The following ALK variants were observed in gnomAD, a reference collection of about 807,000 sequenced individuals.
ALK encodes the protein ALK receptor tyrosine kinase.
ALK carries 74 observed loss-of-function variants against 163.1 expected under a neutral mutation model. The observed-to-expected ratio is 0.45, with a 90% confidence interval of 0.38 to 0.55. ALK has a LOEUF of 0.55. Among genes scored for constraint, ALK ranks in the 20% least tolerant of loss-of-function variants. The pLI is 0.00. For synonymous variants in ALK, 960 were observed against 843.2 expected (o/e 1.14, Z -2.40); for missense variants, 2,063 against 2,105.3 (o/e 0.98, Z 0.39).
intron 3 of ALK, among the ~76,000 whole-genome samples, chr2:29,680,634 T>G (rs1220037244): frequency 1.3e-5 from 2 of 152,142 alleles, no homozygotes; most frequent in Non-Finnish European, 2.9e-5. Context: ...TTGTTGTTTT[T>G]AATTGAATAT....
intron 9 of ALK, among the ~76,000 whole-genome samples, chr2:29,281,772 C>A (rs1471336977): frequency 6.6e-6 from 1 of 152,186 alleles, no homozygotes; most frequent in African/African-American, 2.4e-5. Flanking sequence ...GGAAGGGCAG[C>A]TTCAGAATTG....
intron 3 of ALK, among the ~76,000 whole-genome samples, chr2:29,640,428 G>C (rs530517448): frequency 6.6e-6 from 1 of 152,036 alleles, no homozygotes; most frequent in African/African-American, 2.4e-5. Flanking sequence ...TACTTCCTAC[G>C]ATCTGTCTCT....
chr2:29,604,283 A>G (rs1675477139), intron 3 of ALK, among the ~76,000 whole-genome samples: 1 of 150,490 alleles, frequency 6.6e-6, no homozygotes, highest in South Asian at 2.2e-4. Flanking sequence ...GTTTTGTTGG[A>G]TGACAGGCAT....
chr2:29,322,526 C>T (rs985897695), intron 6 of ALK, among the ~76,000 whole-genome samples: 1 of 152,222 alleles, frequency 6.6e-6, no homozygotes, highest in African/African-American at 2.4e-5. Context: ...GTGTCCTTCA[C>T]AAGTGAGTTT....
At chr2:29,698,694 A>G (rs1050383904) in intron 2 of ALK, among the ~76,000 whole-genome samples, 9 of 152,190 alleles carry the variant, frequency 5.9e-5, no homozygotes, top group African/African-American at 1.9e-4. Flanking sequence ...TGAACTCTGG[A>G]GAGTTTAAGT....
intron 3 of ALK, among the ~76,000 whole-genome samples, chr2:29,644,253 T>TG (rs960187325): frequency 1.8e-5 from 1 of 55,898 alleles, no homozygotes; most frequent in Non-Finnish European, 3.2e-5. Context: ...TGTTGCGGGG[T>TG]GGGGGGAGGG....
intron 1 of ALK, among the ~76,000 whole-genome samples, chr2:29,750,697 A>AAGGAAGGAAGGAAGGAAGGAAGGAAGGC (rs1402085327): frequency 3.5e-5 from 3 of 84,634 alleles, no homozygotes; most frequent in Admixed American, 2.6e-4. Flanking sequence ...GGAAGGAAGG[A>AAGGAAGGAAGGAAGGAAGGAAGGAAGGC]AGGCAGGCAG....
At chr2:29,896,840 T>C (rs775825282) in intron 1 of ALK, among the ~76,000 whole-genome samples, 1 of 152,226 alleles carries the variant, frequency 6.6e-6, no homozygotes, top group Admixed American at 6.5e-5. Context: ...GGGTTTTTCA[T>C]TACCTCACAC....
chr2:29,416,603 G>C (rs1281466142), intron 4 of ALK, among the ~76,000 whole-genome samples: 1 of 152,170 alleles, frequency 6.6e-6, no homozygotes, highest in Non-Finnish European at 1.5e-5. Flanking sequence ...ATAGTGTCAG[G>C]AAGCACAAAA....
chr2:29,744,204 G>T lies in ALK; in HGVS notation c.668-26507C>A, dbSNP rs77983370. 1.7e-4 allele frequency among the ~76,000 whole-genome samples: 26 copies of T among 152,256 alleles called. No individual in the cohort carries two copies. The East Asian group carries it at 5.0e-3, about 29-fold the overall frequency. Reference sequence around the variant, plus strand: ...TGAGGCCCCACAGGAGGAGCTACTTGCCTAAGACTTTGCAGGATGTTAGTG... The same window carrying T: ...TGAGGCCCCACAGGAGGAGCTACTTTCCTAAGACTTTGCAGGATGTTAGTG... On this transcript the variant is annotated intron_variant, in intron 1 of 28. Transcript: ENST00000389048.
Position 29,328,465 on chromosome 2 carries a change from G to A in ALK, c.1299C>T (p.Ser433=), listed in dbSNP as rs1399736378. The change falls in exon 6 of 29, where the codon TCC becomes TCT. Residue 433 remains serine, a synonymous_variant. Transcript: ENST00000389048. ...TGAAGGAGCTCTGCAGGGCCATCTTGGAGCCTGGGGATGTTCCTGGAGAGC... is the reference window on the plus strand; with the variant it reads ...TGAAGGAGCTCTGCAGGGCCATCTTAGAGCCTGGGGATGTTCCTGGAGAGC... ...KNCSEGTSPG[S]KMALQSSFTC... is the part of the protein sequence containing the mutation. The A allele has an allele frequency of 2.5e-6, 4 of 1,614,180 alleles. No homozygotes were observed. Among genetic ancestry groups the A allele is most frequent in the Admixed American group, 1.7e-5 (1 of 60,028 alleles).
intron 8 of ALK, among the ~76,000 whole-genome samples, chr2:29,311,133 G>A (rs1364324325): frequency 6.6e-6 from 1 of 152,212 alleles, no homozygotes; most frequent in African/African-American, 2.4e-5. Context: ...CAGCTGCCAG[G>A]GCTCAGCCCT....
intron 1 of ALK, among the ~76,000 whole-genome samples, chr2:29,885,173 TA>T (rs1345698055): frequency 6.6e-6 from 1 of 152,182 alleles, no homozygotes; most frequent in Non-Finnish European, 1.5e-5. Flanking sequence ...CCTTTAAAGT[TA>T]TTTTGATATT....
chr2:29,217,203 G>A (rs998343361), intron 23 of ALK, among the ~76,000 whole-genome samples: 1 of 151,366 alleles, frequency 6.6e-6, no homozygotes, highest in Non-Finnish European at 1.5e-5. Context: ...GGTGTTTTGT[G>A]TGTGTTGCAT....
chr2:29,628,779 C>G (rs1175927643), intron 3 of ALK, among the ~76,000 whole-genome samples: 1 of 152,140 alleles, frequency 6.6e-6, no homozygotes, highest in East Asian at 1.9e-4. Flanking sequence ...GACTTTTAAA[C>G]TAAGCAGTAA....
chr2:29,324,997 T>C (rs114981682), intron 6 of ALK, among the ~76,000 whole-genome samples: 1 of 152,280 alleles, frequency 6.6e-6, no homozygotes, highest in African/African-American at 2.4e-5. Context: ...TCCAGTTACG[T>C]TGCCCAGAGT....
intron 2 of ALK, among the ~76,000 whole-genome samples, chr2:29,711,560 T>C (rs79719792): frequency 0.012 from 1,820 of 152,206 alleles, 37 homozygotes; most frequent in African/African-American, 0.042. Context: ...TCCACGACTG[T>C]TGACATCCCT....
At chr2:29,308,787 T>C (rs1666604365) in intron 8 of ALK, among the ~76,000 whole-genome samples, 1 of 152,288 alleles carries the variant, frequency 6.6e-6, no homozygotes, top group South Asian at 2.1e-4. Context: ...TAAATGTTAG[T>C]TCCTTTCTCC....
At chr2:29,599,205 T>C (rs1014259882) in intron 3 of ALK, among the ~76,000 whole-genome samples, 3 of 150,514 alleles carry the variant, frequency 2.0e-5, no homozygotes, top group African/African-American at 7.3e-5. Context: ...AAAAAACACA[T>C]TACACTCTGT....
Sources: gnomAD v4.1 joint callset for allele counts (sites outside exome capture counted in the v4.1 genomes callset) on GRCh38, gnomAD v4.1.1 for gene constraint, MANE v1.5 for transcripts, NCBI Gene and HGNC (gene_info 2026-07-23, HGNC 2026-07-21) for gene names.